The following ENAH variants were observed in gnomAD, a reference collection of about 807,000 sequenced individuals.
ENAH encodes the protein protein enabled homolog.
Under a neutral mutation model 78.7 loss-of-function variants are expected in ENAH, and 23 were observed. The observed-to-expected ratio is 0.29, with a 90% CI of 0.21 to 0.41. The LOEUF is 0.41. Ranked by LOEUF, ENAH falls within the 10% of genes least tolerant of loss-of-function variation. The pLI, the probability that ENAH is intolerant of heterozygous loss-of-function variation, is 1.00. For missense variants in ENAH, 544 were observed against 691.0 expected, an observed-to-expected ratio of 0.79 and a Z score of 2.39; for synonymous variants, 226 against 241.0, an observed-to-expected ratio of 0.94 and a Z score of 0.58.
intron 1 of ENAH, among the ~76,000 whole-genome samples, chr1:225,622,043 T>C (rs1657071585): frequency 6.6e-6 from 1 of 152,216 alleles, no homozygotes; most frequent in African/African-American, 2.4e-5. Context: ...GTAAAGAACA[T>C]GTTTTTAACA....
chr1:225,573,971 T>C (rs2096775705), intron 1 of ENAH, among the ~76,000 whole-genome samples: 2 of 152,200 alleles, frequency 1.3e-5, no homozygotes, highest in South Asian at 2.1e-4. Context: ...TCTACTATAC[T>C]ATCAGCCTCT....
chr1:225,525,492 GT>G (rs1166249856), intron 4 of ENAH, among the ~76,000 whole-genome samples: 1 of 152,142 alleles, frequency 6.6e-6, no homozygotes, highest in Non-Finnish European at 1.5e-5. Context: ...CCACGGTCAG[GT>G]TTTTCTATTC....
At chr1:225,517,665 A>C in intron 5 of ENAH, 1 of 1,550,958 alleles carries the variant, frequency 6.4e-7, no homozygotes, top group Non-Finnish European at 8.7e-7. Flanking sequence ...AGGGCTTCGT[A>C]GCTGGAGGCT....
At chr1:225,547,528 C>T (rs1415026387) in intron 3 of ENAH, among the ~76,000 whole-genome samples, 1 of 152,192 alleles carries the variant, frequency 6.6e-6, no homozygotes, top group Non-Finnish European at 1.5e-5. Context: ...TGCCTCCACT[C>T]AGGAACTGAA....
intron 4 of ENAH, among the ~76,000 whole-genome samples, chr1:225,522,597 A>G (rs747556929): frequency 1.2e-4 from 18 of 152,196 alleles, no homozygotes; most frequent in Non-Finnish European, 2.2e-4. Context: ...ATGTATTCAA[A>G]AGAATGTTTT....
chr1:225,641,129 C>T (rs1478617404), intron 1 of ENAH, among the ~76,000 whole-genome samples: 1 of 151,778 alleles, frequency 6.6e-6, no homozygotes, highest in Non-Finnish European at 1.5e-5. Context: ...TCCCAAAGTG[C>T]TGGGATTACA....
At chr1:225,624,536 A>G (rs908113473) in intron 1 of ENAH, among the ~76,000 whole-genome samples, 10 of 152,134 alleles carry the variant, frequency 6.6e-5, no homozygotes, top group African/African-American at 2.2e-4. Context: ...AGGAAGGAGA[A>G]TCGCTTGAAC....
rs1324538587 is a variant in ENAH, at chr1:225,492,101, T to C, written c.*5674A>G. The C allele has an allele frequency of 7.7e-6, 1 of 129,980 alleles. No homozygotes were observed. The highest frequency in any genetic ancestry group is 1.7e-5 in the Non-Finnish European group (1 of 60,486). The allele number at this position is 129,980 out of a possible 1,614,324, so 8.1% of individuals were successfully genotyped here. A position where few individuals can be genotyped will look rare whatever the true frequency, so the allele number is the denominator to read the frequency against. ...TCTTAGAATTTTTTTTTTTTTTTTT[T>C]AGAGACAGGTTCTCGCTCTGTCACC... is the stretch of plus-strand genomic sequence containing the variant. On this transcript the variant is annotated 3_prime_UTR_variant, in exon 14 of 14. Coordinates refer to ENST00000366843, the MANE Select transcript of ENAH (RefSeq NM_018212.6).
In ENAH at chr1:225,491,459, T is replaced by TAA. The variant is rs2096221462; in HGVS notation, c.*6314_*6315dup. 1 of 145,026 alleles carries TAA rather than the reference T, an allele frequency of 6.9e-6. No homozygotes were observed. The highest frequency in any genetic ancestry group is 1.5e-5 in the Non-Finnish European group (1 of 66,474). 9.0% of individuals were successfully genotyped at this position (145,026 alleles called of 1,614,324 possible). A position where few individuals can be genotyped will look rare whatever the true frequency, so the allele number is the denominator to read the frequency against. On this transcript the variant is annotated 3_prime_UTR_variant, in exon 14 of 14. Coordinates refer to ENST00000366843, the MANE Select transcript of ENAH (RefSeq NM_018212.6). ...TGCCCGGCCATGAAACATTTATTTT[T>TAA]AAAATGCCTTTAATCTTTAAAAAAA...
chr1:225,599,796 T>TAAAAA lies in ENAH; in HGVS notation c.6-32387_6-32383dup, dbSNP rs34052384. Reference sequence around the variant, plus strand: ...GGGCGACAGGGCCGAGACTCCGTCTTAAAAAAAAAAAAAAAAAAAAAAAAA... The same window carrying TAAAAA: ...GGGCGACAGGGCCGAGACTCCGTCTTAAAAAAAAAAAAAAAAAAAAAAAAAAAAAA... On this transcript the variant is annotated intron_variant, in intron 1 of 13. Coordinates refer to ENST00000366843, the MANE Select transcript of ENAH (RefSeq NM_018212.6). Among the ~76,000 whole-genome samples, 253 of 82,954 alleles carry TAAAAA rather than the reference T, an allele frequency of 3.0e-3. 2 individuals carry two copies. The highest frequency in any genetic ancestry group is 0.01 in the African/African-American group (196 of 18,940). 54.4% of individuals were successfully genotyped at this position (82,954 alleles called of 152,430 possible).
chr1:225,627,997 A>C (rs188601433), intron 1 of ENAH, among the ~76,000 whole-genome samples: 2 of 152,378 alleles, frequency 1.3e-5, no homozygotes, highest in African/African-American at 2.4e-5. Context: ...TCATGTTTCC[A>C]AAAGAATTCA....
At chr1:225,552,318 T>G (rs899899094) in intron 3 of ENAH, among the ~76,000 whole-genome samples, 3 of 151,836 alleles carry the variant, frequency 2.0e-5, no homozygotes, top group Admixed American at 1.3e-4. Context: ...TTTGTATTTT[T>G]TAGTAGAGAC....
intron 1 of ENAH, among the ~76,000 whole-genome samples, chr1:225,587,966 A>G (rs550501109): frequency 1.3e-5 from 2 of 152,200 alleles, no homozygotes; most frequent in African/African-American, 4.8e-5. Context: ...CTCACACCAT[A>G]CAAAAAAATT....
chr1:225,560,043 C>T (rs1187820161), intron 2 of ENAH, among the ~76,000 whole-genome samples: 2 of 151,976 alleles, frequency 1.3e-5, no homozygotes, highest in Admixed American at 6.5e-5. Flanking sequence ...CCAAAGGAGA[C>T]ACCGAGTCAA....
rs759874221 is a variant in ENAH at position 225,608,741 on chromosome 1, G to A, written c.6-41327C>T. Reference sequence around the variant, plus strand: ...TGAGGCAGGAAAATCGCTTGAACCCGGGAGGCGGAGGTTGCAGTGAGCAGA... The same window carrying A: ...TGAGGCAGGAAAATCGCTTGAACCCAGGAGGCGGAGGTTGCAGTGAGCAGA... On this transcript the variant is annotated intron_variant, in intron 1 of 13. Coordinates refer to ENST00000366843, the MANE Select transcript of ENAH (RefSeq NM_018212.6). 2.4e-4 allele frequency among the ~76,000 whole-genome samples: 36 copies of A among 149,926 alleles called. 1 individual carries two copies. The highest frequency in any genetic ancestry group is 6.4e-4 in the African/African-American group (26 of 40,488).
intron 1 of ENAH, among the ~76,000 whole-genome samples, chr1:225,641,958 T>G (rs1661142167): frequency 6.6e-6 from 1 of 151,904 alleles, no homozygotes; most frequent in Middle Eastern, 3.2e-3. Flanking sequence ...GAAGCAGAGG[T>G]TGCAGTGAGC....
intron 1 of ENAH, among the ~76,000 whole-genome samples, chr1:225,629,788 T>C (rs1359143561): frequency 6.6e-6 from 1 of 152,210 alleles, no homozygotes; most frequent in Non-Finnish European, 1.5e-5. Context: ...TTGCTCTTTA[T>C]TCTAAACTGC....
chr1:225,619,603 G>A (rs1282428398), intron 1 of ENAH, among the ~76,000 whole-genome samples: 1 of 152,090 alleles, frequency 6.6e-6, no homozygotes, highest in Non-Finnish European at 1.5e-5. Context: ...CTTATTTTGG[G>A]GATCAGGGGA....
intron 4 of ENAH, among the ~76,000 whole-genome samples, chr1:225,528,242 G>T: frequency 6.6e-6 from 1 of 152,188 alleles, no homozygotes; most frequent in East Asian, 1.9e-4. Flanking sequence ...AACACTGTGT[G>T]ATTAAGTTAC....
Sources: allele counts gnomAD v4.1 joint callset (sites outside exome capture counted in the v4.1 genomes callset), GRCh38; gene constraint gnomAD v4.1.1; transcripts MANE v1.5; gene names NCBI Gene and HGNC (gene_info 2026-07-23, HGNC 2026-07-21).